PTPRG: variants seen among roughly 807,000 people sequenced by gnomAD.
The protein encoded by PTPRG is receptor-type tyrosine-protein phosphatase gamma.
Under a neutral mutation model 165.3 loss-of-function variants are expected in PTPRG, and 102 were observed. That is an observed-to-expected ratio of 0.62 (90% CI 0.53 to 0.73). The LOEUF (loss-of-function observed/expected upper bound fraction) is 0.73. Ranked by LOEUF, PTPRG falls within the 30% of genes least tolerant of loss-of-function variation. The pLI is 0.00. For missense variants in PTPRG, 1,866 were observed against 1,861.4 expected (o/e 1.00, Z -0.05); for synonymous variants, 675 against 669.5 (o/e 1.01, Z -0.13).
intron 4 of PTPRG, among the ~76,000 whole-genome samples, chr3:62,063,587 A>T (rs763775393): frequency 6.6e-6 from 1 of 152,246 alleles, no homozygotes; most frequent in Non-Finnish European, 1.5e-5. Flanking sequence ...GTCTAAATAA[A>T]TACACTTTTT....
intron 4 of PTPRG, among the ~76,000 whole-genome samples, chr3:62,011,648 G>C (rs1342942398): frequency 6.6e-6 from 1 of 152,138 alleles, no homozygotes; most frequent in Admixed American, 6.5e-5. Flanking sequence ...ATTTCCATCT[G>C]GCTGATCTTT....
chr3:62,062,764 G>GTGAT (rs1432830708), intron 4 of PTPRG, among the ~76,000 whole-genome samples: 5 of 152,104 alleles, frequency 3.3e-5, no homozygotes, highest in Admixed American at 6.6e-5. Context: ...CTGGGCTCAA[G>GTGAT]TGATTGCTCT....
At chr3:61,723,983 G>A (rs2032153415) in intron 1 of PTPRG, among the ~76,000 whole-genome samples, 1 of 152,154 alleles carries the variant, frequency 6.6e-6, no homozygotes, top group African/African-American at 2.4e-5. Context: ...TATAATCCCA[G>A]CACTTTGGGA....
chr3:61,885,664 CT>C (rs1559669056), intron 2 of PTPRG, among the ~76,000 whole-genome samples: 39 of 37,828 alleles, frequency 1.0e-3, no homozygotes, highest in Non-Finnish European at 1.9e-3. Flanking sequence ...CTTCTCTCCT[CT>C]CCTCTCCTCT....
intron 8 of PTPRG, among the ~76,000 whole-genome samples, chr3:62,186,584 T>TTTTTTTTTTTTG (rs1705897860): frequency 1.3e-5 from 2 of 148,278 alleles, no homozygotes; most frequent in Admixed American, 6.7e-5. Flanking sequence ...TTTTTTTTTT[T>TTTTTTTTTTTTG]GAGATAGGGT....
rs11329820 is a variant in PTPRG, at chr3:61,820,603, G to GTTTTTTT, written c.190+71641_190+71647dup. Among the ~76,000 whole-genome samples, 499 of 65,716 alleles carry GTTTTTTT rather than the reference G, an allele frequency of 7.6e-3. 4 individuals carry two copies. The highest frequency in any genetic ancestry group is 0.011 in the Non-Finnish European group (392 of 36,160). 43.1% of individuals were successfully genotyped at this position (65,716 alleles called of 152,430 possible). On this transcript the variant is annotated intron_variant, in intron 2 of 29. Transcript: ENST00000474889. ...TTTAATTTCTTGTTCCTGTGTCTCT[G>GTTTTTTT]TTTTTTTTTTTTTTTTTTTTTTTTT... is the stretch of plus-strand genomic sequence containing the variant.
intron 1 of PTPRG, among the ~76,000 whole-genome samples, chr3:61,686,986 C>T (rs1250660347): frequency 6.6e-6 from 1 of 152,132 alleles, no homozygotes; most frequent in South Asian, 2.1e-4. Context: ...TATATACATA[C>T]ATTATCAGTT....
chr3:61,880,947 CTTT>C (rs199965020), intron 2 of PTPRG, among the ~76,000 whole-genome samples: 130 of 139,344 alleles, frequency 9.3e-4, no homozygotes, highest in African/African-American at 2.6e-3. Flanking sequence ...GCTATGCTGT[CTTT>C]TTTTTTTTTT....
intron 2 of PTPRG, among the ~76,000 whole-genome samples, chr3:61,962,002 T>A (rs886985617): frequency 6.6e-6 from 1 of 152,178 alleles, no homozygotes; most frequent in African/African-American, 2.4e-5. Flanking sequence ...TACACTGAGT[T>A]AAATTGCCTC....
At chr3:61,966,655 G>T (rs980890475) in intron 2 of PTPRG, among the ~76,000 whole-genome samples, 1 of 151,844 alleles carries the variant, frequency 6.6e-6, no homozygotes, top group African/African-American at 2.4e-5. Context: ...CCTTATTCAA[G>T]AATGATTTGC....
intron 5 of PTPRG, among the ~76,000 whole-genome samples, chr3:62,116,725 A>T (rs1158165391): frequency 2.0e-5 from 3 of 152,188 alleles, no homozygotes; most frequent in Non-Finnish European, 2.9e-5. Flanking sequence ...TATACTTAAC[A>T]TTTGTGTAGC....
chr3:61,784,726 A>G (rs766156503), intron 2 of PTPRG, among the ~76,000 whole-genome samples: 10 of 152,316 alleles, frequency 6.6e-5, no homozygotes, highest in Non-Finnish European at 1.3e-4. Flanking sequence ...AAATATCGTT[A>G]CCAACCAAAA....
intron 1 of PTPRG, among the ~76,000 whole-genome samples, chr3:61,660,431 A>C (rs1559544705): frequency 6.6e-6 from 1 of 152,162 alleles, no homozygotes; most frequent in Non-Finnish European, 1.5e-5. Flanking sequence ...AAGTCTCCCA[A>C]AGCCCTCTCT....
At chr3:61,924,908 T>C (rs1272159397) in intron 2 of PTPRG, among the ~76,000 whole-genome samples, 1 of 152,192 alleles carries the variant, frequency 6.6e-6, no homozygotes, top group Non-Finnish European at 1.5e-5. Context: ...AATTAGGTCA[T>C]AAGCGTGGAG....
intron 17 of PTPRG, among the ~76,000 whole-genome samples, chr3:62,265,625 G>A (rs1188740016): frequency 6.6e-6 from 1 of 151,986 alleles, no homozygotes; most frequent in Non-Finnish European, 1.5e-5. Context: ...CTACTTTTCT[G>A]AGAAAATGAA....
intron 15 of PTPRG, among the ~76,000 whole-genome samples, chr3:62,253,288 A>C (rs1332833040): frequency 6.6e-6 from 1 of 152,176 alleles, no homozygotes; most frequent in African/African-American, 2.4e-5. Context: ...TAAAATTCTA[A>C]ACTATCATTG....
intron 1 of PTPRG, among the ~76,000 whole-genome samples, chr3:61,596,134 G>A (rs9872397): frequency 0.22 from 33,931 of 152,108 alleles, 5,390 homozygotes; most frequent in African/African-American, 0.45. Context: ...AGGATATTTT[G>A]GGACAAAGAG....
At position 61,676,689 on chromosome 3, in the gene PTPRG, G is replaced by T. The variant is rs1322678181; in HGVS notation, c.86-72189G>T. Among the ~76,000 whole-genome samples, 3 of 151,952 alleles carry T rather than the reference G, an allele frequency of 2.0e-5. No homozygotes were observed. In the South Asian group the frequency reaches 6.2e-4, roughly 32 times the overall value. On this transcript the variant is annotated intron_variant, in intron 1 of 29. Transcript: ENST00000474889. ...ATCTATCGGGAAATGGATAGTTAAT[G>T]CATGGTGTGTATCTCTCTGTTGTTT... is the stretch of plus-strand genomic sequence containing the variant.
At chr3:61,588,791 T>C (rs373686148) in intron 1 of PTPRG, among the ~76,000 whole-genome samples, 5 of 152,246 alleles carry the variant, frequency 3.3e-5, no homozygotes, top group East Asian at 1.9e-4. Context: ...ATGAAAAAAA[T>C]ATATACACAC....
Sources: allele counts gnomAD v4.1 joint callset (sites outside exome capture counted in the v4.1 genomes callset), GRCh38; gene constraint gnomAD v4.1.1; transcripts MANE v1.5; gene names NCBI Gene and HGNC (gene_info 2026-07-23, HGNC 2026-07-21).